The following AP4E1 variants were observed in gnomAD, a reference collection of about 807,000 sequenced individuals.
The protein encoded by AP4E1 is AP-4 complex subunit epsilon-1.
Under a neutral mutation model 128.2 loss-of-function variants are expected in AP4E1, and 56 were observed. The observed-to-expected ratio is 0.44, with a 90% CI of 0.35 to 0.55. AP4E1 has a LOEUF of 0.55. Among genes scored for constraint, AP4E1 ranks in the 20% least tolerant of loss-of-function variants. The probability of loss-of-function intolerance (pLI) is 0.00; values close to 1 mark genes in which losing one functional copy is unlikely to be tolerated. For synonymous variants in AP4E1, 484 were observed against 473.1 expected (o/e 1.02, Z -0.30); for missense variants, 1,324 against 1,307.7 (o/e 1.01, Z -0.19).
chr15:50,959,198 T>G (rs1467989725), intron 14 of AP4E1, among the ~76,000 whole-genome samples: 2 of 147,282 alleles, frequency 1.4e-5, no homozygotes, highest in African/African-American at 5.0e-5. Flanking sequence ...GCAACAAGAA[T>G]GAAACTCTGT....
chr15:50,936,939 CA>C (rs534584746), intron 8 of AP4E1, among the ~76,000 whole-genome samples: 7,137 of 143,806 alleles, frequency 0.05, 524 homozygotes, highest in African/African-American at 0.17. Flanking sequence ...GACTCTGTCT[CA>C]AAAAAAAAAA....
chr15:50,908,963 C>G, intron 1 of AP4E1, 35 bp downstream of exon 1: 1 of 1,607,340 alleles, frequency 6.2e-7, no homozygotes, highest in Non-Finnish European at 8.5e-7. Flanking sequence ...TCAGGGACAT[C>G]GGAGTGAGGC....
chr15:50,997,902 ATTG>A lies in AP4E1; in HGVS notation c.2904+22_2904+24del. The A allele has an allele frequency of 6.4e-7, 1 of 1,562,398 alleles. No homozygotes were observed. The highest frequency in any genetic ancestry group is 8.7e-7 in the Non-Finnish European group (1 of 1,146,410). On this transcript the variant is annotated intron_variant, in intron 18 of 20. Coordinates refer to ENST00000261842, the MANE Select transcript of AP4E1 (RefSeq NM_007347.5). Reference sequence around the variant, plus strand: ...TTTCAAGGTAAAATTTAAAGGTATTATTGTTTTATTTTCAGTGTATATTTTGTG... The same window carrying A: ...TTTCAAGGTAAAATTTAAAGGTATTATTTTATTTTCAGTGTATATTTTGTG...
At chr15:50,996,836 C>T (rs1013740296) in intron 17 of AP4E1, among the ~76,000 whole-genome samples, 1 of 152,190 alleles carries the variant, frequency 6.6e-6, no homozygotes, top group Non-Finnish European at 1.5e-5. Context: ...CCAGTTAATT[C>T]TTGAGGTAAA....
Position 50,908,698 on chromosome 15 carries a change from C to A in AP4E1, c.-81C>A. On this transcript the variant is annotated 5_prime_UTR_variant, in exon 1 of 21. Coordinates refer to ENST00000261842, the MANE Select transcript of AP4E1 (RefSeq NM_007347.5). Reference sequence around the variant, plus strand: ...AAAAACAGGAAGTGCCTACGGAGGCCGGGCCGGCAGCGGCGGCCGGGCATG... The same window carrying A: ...AAAAACAGGAAGTGCCTACGGAGGCAGGGCCGGCAGCGGCGGCCGGGCATG... The A allele has an allele frequency of 6.5e-6, 9 of 1,381,510 alleles. No homozygotes were observed. The highest frequency in any genetic ancestry group is 9.4e-7 in the Non-Finnish European group (1 of 1,068,088). 85.6% of individuals were successfully genotyped at this position (1,381,510 alleles called of 1,614,324 possible).
intron 16 of AP4E1, among the ~76,000 whole-genome samples, 163 bp downstream of exon 16, chr15:50,984,308 C>CT (rs904816761): frequency 6.6e-5 from 10 of 151,058 alleles, no homozygotes; most frequent in African/African-American, 9.7e-5. Flanking sequence ...ACATAATTTT[C>CT]TTTTTTTTTA....
chr15:50,919,918 A>C (rs1334971551), intron 3 of AP4E1, among the ~76,000 whole-genome samples: 4 of 151,684 alleles, frequency 2.6e-5, no homozygotes, highest in African/African-American at 9.7e-5. Context: ...CTCTACTAAG[A>C]ATACAAAGAT....
rs1301349393 is a variant in AP4E1, at chr15:50,997,831, G to A, written c.2852G>A (p.Gly951Asp). ...GTCTGGTCAGTCACTAATAAGAGTG[G>A]TTTGGAATTGAAAAGTGCTGACTTA... ...LMVWSVTNKS[G>D]LELKSADLEI... The change falls in exon 18 of 21, where the codon GGT (glycine) becomes GAT (aspartate). Residue 951 changes from glycine (G) to aspartate (D), a missense_variant. Gly to Asp is a moderately conservative substitution (Grantham distance 94). Coordinates refer to ENST00000261842, the MANE Select transcript of AP4E1 (RefSeq NM_007347.5). 1.3e-6 allele frequency: 2 copies of A among 1,599,822 alleles called. No homozygotes were observed. The highest frequency in any genetic ancestry group is 2.2e-5 in the East Asian group (1 of 44,532).
At chr15:50,929,311 A>G (rs1360956470) in intron 6 of AP4E1, 143 bp downstream of exon 6, 2 of 988,654 alleles carry the variant, frequency 2.0e-6, no homozygotes, top group East Asian at 2.7e-5. Flanking sequence ...GTAGTTTTGC[A>G]AGTTGTTGAG....
At chr15:50,934,547 T>C in intron 7 of AP4E1, 77 bp from the exon 8 acceptor site, 2 of 947,230 alleles carry the variant, frequency 2.1e-6, no homozygotes, top group Non-Finnish European at 3.4e-6. Flanking sequence ...TCCTCAGTTT[T>C]AAAGAGAAGT....
upstream of AP4E1, chr15:50,908,644 G>A (rs1219230070): frequency 8.5e-6 from 10 of 1,170,730 alleles, 1 homozygote; most frequent in Non-Finnish European, 1.1e-5. Context: ...ACTTGTTCAG[G>A]TGGGACGCCA....
chr15:50,985,450 A>G (rs1241992845), intron 16 of AP4E1, among the ~76,000 whole-genome samples: 2 of 152,180 alleles, frequency 1.3e-5, no homozygotes, highest in South Asian at 2.1e-4. Flanking sequence ...TAGGTCTAAC[A>G]TTTAAGTCTT....
intron 10 of AP4E1, chr15:50,945,757 T>G: frequency 1.3e-6 from 1 of 765,966 alleles, no homozygotes; most frequent in East Asian, 2.4e-5. Flanking sequence ...GCTTACATCA[T>G]GAGAAAAAGC....
At chr15:50,933,578 T>TG (rs928788154) in intron 7 of AP4E1, among the ~76,000 whole-genome samples, 2 of 151,698 alleles carry the variant, frequency 1.3e-5, no homozygotes, top group African/African-American at 4.9e-5. Context: ...CAATTTTTTT[T>TG]GGGGGGCAGG....
chr15:50,945,223 C>A, intron 10 of AP4E1: 1 of 797,224 alleles, frequency 1.3e-6, no homozygotes, highest in Middle Eastern at 2.3e-4. Context: ...AGAACTAATC[C>A]TGTATGTTCA....
intron 14 of AP4E1, among the ~76,000 whole-genome samples, chr15:50,965,995 G>A (rs1736521552): frequency 1.3e-5 from 2 of 151,980 alleles, no homozygotes; most frequent in African/African-American, 2.4e-5. Context: ...TTGGCTGACT[G>A]TAACCTCTGC....
intron 19 of AP4E1, among the ~76,000 whole-genome samples, chr15:51,000,223 C>G (rs914507708): frequency 6.7e-6 from 1 of 148,864 alleles, no homozygotes; most frequent in Non-Finnish European, 1.5e-5. Flanking sequence ...CTCACTGTAG[C>G]CTCGACCTCC....
intron 15 of AP4E1, among the ~76,000 whole-genome samples, chr15:50,976,163 CA>C (rs1158489392): frequency 1.3e-5 from 2 of 151,996 alleles, no homozygotes; most frequent in Non-Finnish European, 2.9e-5. Context: ...AAACTGAACT[CA>C]ATAAAAGGAT....
intron 19 of AP4E1, among the ~76,000 whole-genome samples, chr15:51,000,088 T>C (rs1174406893): frequency 6.6e-6 from 1 of 151,802 alleles, no homozygotes; most frequent in Non-Finnish European, 1.5e-5. Flanking sequence ...TATATTTTTT[T>C]AACCTCCACA....
Sources: allele counts gnomAD v4.1 joint callset (sites outside exome capture counted in the v4.1 genomes callset), GRCh38; gene constraint gnomAD v4.1.1; transcripts MANE v1.5; gene names NCBI Gene and HGNC (gene_info 2026-07-23, HGNC 2026-07-21).